Variants in SRPK2 observed in about 807,000 individuals in gnomAD.
SRPK2 encodes the protein SRSF protein kinase 2, also known as SFRS protein kinase 2.
A neutral mutation model predicts 90.8 loss-of-function variants in SRPK2; 21 were observed. The ratio of observed to expected loss-of-function variants is 0.23; its 90% CI spans 0.16 to 0.33. SRPK2 has a LOEUF of 0.33. SRPK2 is among the 10% of genes least tolerant of loss of function. SRPK2 has a pLI of 1.00. For missense variants in SRPK2, 620 were observed against 869.0 expected (o/e 0.71, Z 3.60); for synonymous variants, 288 against 311.1 (o/e 0.93, Z 0.78).
chr7:105,267,393 C>T (rs1380778602), intron 2 of SRPK2, among the ~76,000 whole-genome samples: 2 of 152,252 alleles, frequency 1.3e-5, no homozygotes, highest in African/African-American at 4.8e-5. Flanking sequence ...CAGCTGATAC[C>T]CAGCTCGTTC....
intron 2 of SRPK2, among the ~76,000 whole-genome samples, chr7:105,271,120 GAA>G (rs1327984297): frequency 2.6e-5 from 4 of 152,128 alleles, no homozygotes; most frequent in Admixed American, 6.5e-5. Context: ...TGCTGCTTCA[GAA>G]AAGAGATTAC....
Position 105,376,848 on chromosome 7 carries a change from CTT to C in SRPK2, c.71+11798_71+11799del, listed in dbSNP as rs35855824. Among the ~76,000 whole-genome samples, 207 of 99,050 alleles carry C rather than the reference CTT, an allele frequency of 2.1e-3. 1 individual carries two copies. Among genetic ancestry groups the C allele is most frequent in the African/African-American group, 7.2e-3 (188 of 26,062 alleles). The allele number at this position is 99,050 out of a possible 152,430, so 65.0% of individuals were successfully genotyped here. On this transcript the variant is annotated intron_variant, in intron 2 of 15. Transcript: ENST00000393651. ...CCACCACGCCCGCCCCCCCACCCCC[CTT>C]TTTTTTTTAATAAAAAGCACCTTTT...
intron 3 of SRPK2, among the ~76,000 whole-genome samples, chr7:105,181,223 T>C (rs562960423): frequency 1.3e-5 from 2 of 152,254 alleles, no homozygotes; most frequent in Admixed American, 1.3e-4. Context: ...TTAACAGATG[T>C]TGTCAAGGTT....
chr7:105,320,490 A>G (rs1251586303), intron 2 of SRPK2, among the ~76,000 whole-genome samples: 1 of 152,238 alleles, frequency 6.6e-6, no homozygotes, highest in Non-Finnish European at 1.5e-5. Context: ...ACATTTTCAG[A>G]AACAGCAACC....
intron 7 of SRPK2, among the ~76,000 whole-genome samples, chr7:105,149,846 C>A (rs1016453934): frequency 2.6e-5 from 4 of 152,208 alleles, no homozygotes; most frequent in Non-Finnish European, 5.9e-5. Flanking sequence ...AAAATCCCTA[C>A]AAACATTTAA....
rs915629362 is a variant in SRPK2, at chr7:105,255,307, C to G, written c.72-51522G>C. Among the ~76,000 whole-genome samples, 4 of 151,586 alleles carry G rather than the reference C, an allele frequency of 2.6e-5. 1 individual carries two copies. Among genetic ancestry groups the G allele is most frequent in the Admixed American group, 1.3e-4 (2 of 15,196 alleles). On this transcript the variant is annotated intron_variant, in intron 2 of 15. Coordinates refer to ENST00000393651, the MANE Select transcript of SRPK2 (RefSeq NM_182692.3). ...TTGTTAGTCACCTTTACTAGTTGCACAGCAAATACCCGTATCTGCGTGTGC... is the reference window on the plus strand; with the variant it reads ...TTGTTAGTCACCTTTACTAGTTGCAGAGCAAATACCCGTATCTGCGTGTGC...
intron 7 of SRPK2, among the ~76,000 whole-genome samples, chr7:105,159,470 A>AAAAC (rs1807204923): frequency 2.7e-5 from 4 of 148,992 alleles, no homozygotes; most frequent in Non-Finnish European, 4.5e-5. Context: ...AAAAAAAAAA[A>AAAAC]AAACCGTACA....
chr7:105,331,859 AG>A (rs1814457636), intron 2 of SRPK2, among the ~76,000 whole-genome samples: 1 of 152,200 alleles, frequency 6.6e-6, no homozygotes, highest in African/African-American at 2.4e-5. Context: ...TGACGACAGA[AG>A]GAAGAACTCG....
chr7:105,299,755 G>A (rs1810295484), intron 2 of SRPK2, among the ~76,000 whole-genome samples: 1 of 152,100 alleles, frequency 6.6e-6, no homozygotes, highest in Non-Finnish European at 1.5e-5. Context: ...TTAGCCAGGT[G>A]TGGTGGAGGG....
At chr7:105,139,080 T>C (rs1409494642) in intron 11 of SRPK2, among the ~76,000 whole-genome samples, 3 of 152,194 alleles carry the variant, frequency 2.0e-5, no homozygotes, top group Non-Finnish European at 2.9e-5. Flanking sequence ...TTCCTGCACC[T>C]TCCTGGATGG....
At chr7:105,314,200 C>T (rs987227814) in intron 2 of SRPK2, among the ~76,000 whole-genome samples, 1 of 151,774 alleles carries the variant, frequency 6.6e-6, no homozygotes, top group Non-Finnish European at 1.5e-5. Context: ...GGGGTCATAG[C>T]ACATGCCTGT....
rs574571925 is a variant in SRPK2, at chr7:105,272,183, T to C, written c.72-68398A>G. Reference sequence around the variant, plus strand: ...GGTTCTTCCAAAGCAGCACCCACTGTCTCCATGTATACATTTAGACCAGTG... The same window carrying C: ...GGTTCTTCCAAAGCAGCACCCACTGCCTCCATGTATACATTTAGACCAGTG... On this transcript the variant is annotated intron_variant, in intron 2 of 15. Coordinates refer to ENST00000393651, the MANE Select transcript of SRPK2 (RefSeq NM_182692.3). 1.9e-4 allele frequency among the ~76,000 whole-genome samples: 29 copies of C among 152,262 alleles called. No homozygotes were observed. In the South Asian group the frequency reaches 5.8e-3, roughly 31 times the overall value.
chr7:105,232,458 T>TAAAAA (rs10533429), intron 2 of SRPK2, among the ~76,000 whole-genome samples: 1 of 132,096 alleles, frequency 7.6e-6, no homozygotes, highest in African/African-American at 2.8e-5. Context: ...AAACCTTATC[T>TAAAAA]AAAAAAAAAA....
chr7:105,387,171 C>A (rs1821706932), intron 2 of SRPK2, among the ~76,000 whole-genome samples: 1 of 152,178 alleles, frequency 6.6e-6, no homozygotes, highest in African/African-American at 2.4e-5. Flanking sequence ...TGGGGTCATA[C>A]TTTTTCCACT....
At chr7:105,218,315 G>T (rs1797706184) in intron 2 of SRPK2, among the ~76,000 whole-genome samples, 1 of 152,198 alleles carries the variant, frequency 6.6e-6, no homozygotes, top group African/African-American at 2.4e-5. Flanking sequence ...GAACTATACA[G>T]CACAAACAAG....
intron 7 of SRPK2, among the ~76,000 whole-genome samples, chr7:105,159,935 A>C (rs957859458): frequency 6.6e-6 from 1 of 152,268 alleles, no homozygotes; most frequent in African/African-American, 2.4e-5. Flanking sequence ...TAATTAACCT[A>C]ACCCAGTATG....
chr7:105,125,692 G>C (rs1801092580), intron 15 of SRPK2: 2 of 471,886 alleles, frequency 4.2e-6, no homozygotes, highest in Non-Finnish European at 3.4e-6. Flanking sequence ...TGAAACTCCA[G>C]ATCTTTCTCC....
chr7:105,350,889 G>GT lies in SRPK2; in HGVS notation c.71+37758dup, dbSNP rs561446164. On this transcript the variant is annotated intron_variant, in intron 2 of 15. Transcript: ENST00000393651. ...TAAGCCATTACACAGCAGGATTAGG[G>GT]TAAGAAGCCACGTCTGCCAGCCAAC... is the stretch of plus-strand genomic sequence containing the variant. 6.2e-4 allele frequency among the ~76,000 whole-genome samples: 95 copies of GT among 152,294 alleles called. 2 individuals are homozygous for GT. Among genetic ancestry groups the GT allele is most frequent in the African/African-American group, 2.2e-3 (92 of 41,570 alleles).
intron 2 of SRPK2, among the ~76,000 whole-genome samples, chr7:105,253,388 T>C (rs533755400): frequency 2.0e-5 from 3 of 152,200 alleles, no homozygotes; most frequent in Admixed American, 6.5e-5. Flanking sequence ...CAGGAAAATG[T>C]GCATGTATTA....
Sources: gnomAD v4.1 joint callset for allele counts (sites outside exome capture counted in the v4.1 genomes callset) on GRCh38, gnomAD v4.1.1 for gene constraint, MANE v1.5 for transcripts, NCBI Gene and HGNC (gene_info 2026-07-23, HGNC 2026-07-21) for gene names.